Variants in CERS2 observed in about 807,000 individuals in gnomAD.
CERS2 encodes the protein LAG1 homolog, ceramide synthase 2.
In CERS2, 20 loss-of-function variants were observed where a neutral mutation model predicts 56.6. The observed-to-expected ratio is 0.35, with a 90% CI of 0.25 to 0.51. The LOEUF is 0.51. CERS2 is among the 20% of genes least tolerant of loss of function. The pLI is 0.96. For synonymous variants in CERS2, 187 were observed against 175.4 expected, an observed-to-expected ratio of 1.07 and a Z score of -0.52; for missense variants, 361 against 488.6, an observed-to-expected ratio of 0.74 and a Z score of 2.46.
In CERS2 at chr1:150,966,110, C is replaced by A. The variant is rs1371985958; in HGVS notation, c.*38G>T. On this transcript the variant is annotated 3_prime_UTR_variant, in exon 11 of 11. Transcript: ENST00000368954. The stretch of plus-strand genomic sequence containing the variant: ...CGCAGGGAGCGGGGTAGTTCCTTGG[C>A]TTTATGCATTAATCTGGGAGGCAGC... 1.9e-6 allele frequency: 3 copies of A among 1,601,770 alleles called. No homozygotes were observed. Among genetic ancestry groups the A allele is most frequent in the South Asian group, 1.1e-5 (1 of 89,640 alleles).
chr1:150,973,121 G>GC (rs1172368920), intron 1 of CERS2: 1 of 152,222 alleles, frequency 6.6e-6, no homozygotes, highest in African/African-American at 2.4e-5. Flanking sequence ...GGCAACAGAA[G>GC]CAGGTCATGT....
At chr1:150,967,002 A>G (rs1671043024) in intron 8 of CERS2, 72 bp downstream of exon 8, 10 of 1,571,348 alleles carry the variant, frequency 6.4e-6, no homozygotes, top group Non-Finnish European at 8.7e-6. Flanking sequence ...CCCACCCCGC[A>G]CCTCCCTCCC....
intron 2 of CERS2, 138 bp downstream of exon 2, chr1:150,968,780 G>A: frequency 1.2e-6 from 1 of 820,118 alleles, no homozygotes. Flanking sequence ...TTCAGGGGAG[G>A]GGGTGCACAG....
At chr1:150,974,546 G>A (rs1283977827) in intron 1 of CERS2, 73 bp downstream of exon 1, 2 of 148,922 alleles carry the variant, frequency 1.3e-5, no homozygotes, top group Non-Finnish European at 3.0e-5. Flanking sequence ...CGGCACCCGG[G>A]GCTCCCAACT....
At chr1:150,972,232 G>A (rs587740891) in intron 1 of CERS2, among the ~76,000 whole-genome samples, 2 of 152,308 alleles carry the variant, frequency 1.3e-5, no homozygotes, top group South Asian at 2.1e-4. Flanking sequence ...CTTTTACACT[G>A]AGGTTGCAGG....
intron 1 of CERS2, among the ~76,000 whole-genome samples, chr1:150,970,031 C>T (rs953108612): frequency 6.6e-6 from 1 of 152,018 alleles, no homozygotes; most frequent in Non-Finnish European, 1.5e-5. Context: ...AGTTTGAGAC[C>T]AGCCTGGGCA....
rs754959756 is a variant in CERS2, at chr1:150,968,465, G to A, written c.221C>T (p.Thr74Ile). 1.9e-6 allele frequency: 3 copies of A among 1,614,104 alleles called. No individual in the cohort carries two copies. The highest frequency in any genetic ancestry group is 2.7e-5 in the African/African-American group (2 of 74,928). ...GGCGTTGGGAGGTGCCCGCAGCCGA[G>A]TTTTCTCCTTTATGTTCAAGAGGGC... Reference protein sequence around the residue: ...LAALLNIKEKTRLRAPPNATL... With the variant: ...LAALLNIKEKIRLRAPPNATL... The change falls in exon 3 of 11, where the codon ACT becomes ATT. Residue 74 changes from threonine to isoleucine, a missense_variant. Coordinates refer to ENST00000368954, the MANE Select transcript of CERS2 (RefSeq NM_022075.5).
At chr1:150,970,877 C>T (rs1671162738) in intron 1 of CERS2, among the ~76,000 whole-genome samples, 1 of 152,146 alleles carries the variant, frequency 6.6e-6, no homozygotes. Context: ...AGGGGAACAC[C>T]CATACCCTCT....
chr1:150,971,368 A>C (rs1431958002), intron 1 of CERS2, among the ~76,000 whole-genome samples: 2 of 149,918 alleles, frequency 1.3e-5, no homozygotes, highest in Non-Finnish European at 3.0e-5. Context: ...ACCCCCACCC[A>C]CCACTGTAGC....
At chr1:150,974,455 GC>G (rs1301099760) in intron 1 of CERS2, 163 bp downstream of exon 1, 2 of 148,690 alleles carry the variant, frequency 1.3e-5, no homozygotes, top group South Asian at 1.9e-4. Context: ...CGCCCGCAGC[GC>G]CCCCCGCCAG....
Position 150,967,606 on chromosome 1 carries a change from C to T in CERS2, c.519+58G>A, listed in dbSNP as rs879040094. Reference sequence around the variant, plus strand: ...TCCCTCTGCCATGGATTCCACAAACCGTCTCTTCACTAGGGTGTGTCTTAG... The same window carrying T: ...TCCCTCTGCCATGGATTCCACAAACTGTCTCTTCACTAGGGTGTGTCTTAG... On this transcript the variant is annotated intron_variant, in intron 6 of 10. Transcript: ENST00000368954. 7.7e-5 allele frequency: 117 copies of T among 1,512,814 alleles called. 1 individual carries two copies. In the South Asian group the frequency reaches 1.2e-3, roughly 15 times the overall value. The allele number at this position is 1,512,814 out of a possible 1,614,324, so 93.7% of individuals were successfully genotyped here.
In CERS2 at chr1:150,967,882, C is replaced by T. The variant is rs6681742; in HGVS notation, c.411-5G>A. The T allele has an allele frequency of 0.37, 589,768 of 1,606,300 alleles. 112,074 individuals carry two copies. Among genetic ancestry groups the T allele is most frequent in the Admixed American group, 0.54 (32,384 of 59,938 alleles). ...AGGTAAAATGTGAATCTCCAGCTGG[C>T]AGAGGAAGCAGAAATGGCTAGGTCA... On this transcript the variant is annotated splice_region_variant and splice_polypyrimidine_tract_variant and intron_variant, in intron 4 of 10. Transcript: ENST00000368954.
At chr1:150,971,818 T>G (rs1483544469) in intron 1 of CERS2, 1 of 470,748 alleles carries the variant, frequency 2.1e-6, no homozygotes, top group East Asian at 6.9e-5. Flanking sequence ...TCAGCCTGAT[T>G]GGAAGCGAGA....
At chr1:150,966,678 C>G in intron 9 of CERS2, 49 bp from the exon 10 acceptor site, 1 of 1,608,370 alleles carries the variant, frequency 6.2e-7, no homozygotes, top group Non-Finnish European at 8.5e-7. Context: ...GGTCAGACAC[C>G]GGGGAGATAC....
rs1232436810 is a variant in CERS2, at chr1:150,965,887, T to TAG, written c.*259_*260dup. ...AGCTGAGGGAGGGCCTCAAAAGCAG[T>TAG]AGAAAGGATGACTTGGCGGGTAGGG... On this transcript the variant is annotated 3_prime_UTR_variant, in exon 11 of 11. Transcript: ENST00000368954. The TAG allele has an allele frequency of 5.0e-6, 2 of 401,468 alleles. No homozygotes were observed. Among genetic ancestry groups the TAG allele is most frequent in the Non-Finnish European group, 8.8e-6 (2 of 226,604 alleles). 24.9% of individuals were successfully genotyped at this position (401,468 alleles called of 1,614,324 possible). A position where few individuals can be genotyped will look rare whatever the true frequency, so the allele number is the denominator to read the frequency against.
At chr1:150,972,840 C>T (rs1304795862) in intron 1 of CERS2, among the ~76,000 whole-genome samples, 1 of 152,142 alleles carries the variant, frequency 6.6e-6, no homozygotes, top group Admixed American at 6.5e-5. Context: ...CTGACTGACA[C>T]CCCCACAAGA....
rs760112256 is a variant in CERS2 at position 150,969,111 on chromosome 1, G to A, written c.-1-20C>T. On this transcript the variant is annotated intron_variant, in intron 1 of 10. Transcript: ENST00000368954. ...AGCATCCTGAGTGAGGGGCAAAGGG[G>A]AGGGCATCAAGAGGGAGTAGCTATG... 64 of 1,611,548 alleles carry A rather than the reference G, an allele frequency of 4.0e-5. No homozygotes were observed. The South Asian group carries it at 6.7e-4, about 17-fold the overall frequency.
Position 150,966,839 on chromosome 1 carries a change from C to T in CERS2, c.765G>A (p.Ala255=), listed in dbSNP as rs766073225. The change falls in exon 9 of 11, where the codon GCG becomes GCA. Residue 255 remains alanine (A), a synonymous_variant. Coordinates refer to ENST00000368954, the MANE Select transcript of CERS2 (RefSeq NM_022075.5). The part of the protein sequence containing the change: ...LLESAKMFNY[A]GWKNTCNNIF... ...TGTTGTTGCAGGTGTTCTTCCATCCCGCGTAGTTAAACATCTTGGCTGACT... is the reference window on the plus strand; with the variant it reads ...TGTTGTTGCAGGTGTTCTTCCATCCTGCGTAGTTAAACATCTTGGCTGACT... The T allele has an allele frequency of 2.5e-6, 4 of 1,613,816 alleles. No individual in the cohort carries two copies. Among genetic ancestry groups the T allele is most frequent in the East Asian group, 2.2e-5 (1 of 44,904 alleles).
rs747560619 is a variant in CERS2 at position 150,972,854 on chromosome 1, C to A, written c.-2+1765G>T. On this transcript the variant is annotated intron_variant, in intron 1 of 10. Coordinates refer to ENST00000368954, the MANE Select transcript of CERS2 (RefSeq NM_022075.5). Reference sequence around the variant, plus strand: ...TCTGACTGACACCCCCACAAGACCCCTCTAGGTGGATGAAAGGAGCAGAGG... The same window carrying A: ...TCTGACTGACACCCCCACAAGACCCATCTAGGTGGATGAAAGGAGCAGAGG... Among the ~76,000 whole-genome samples, 16 of 152,282 alleles carry A rather than the reference C, an allele frequency of 1.1e-4. No homozygotes were observed. In the East Asian group the frequency reaches 3.1e-3, roughly 29 times the overall value.
Sources: gnomAD v4.1 joint callset for allele counts (sites outside exome capture counted in the v4.1 genomes callset) on GRCh38, gnomAD v4.1.1 for gene constraint, MANE v1.5 for transcripts, NCBI Gene and HGNC (gene_info 2026-07-23, HGNC 2026-07-21) for gene names.